ARHGAP19: variants seen among roughly 807,000 people sequenced by gnomAD.
The protein encoded by ARHGAP19 is Rho GTPase activating protein 19, also known as rho GTPase-activating protein 19.
In ARHGAP19, 48 loss-of-function variants were observed where a neutral mutation model predicts 60.9. The ratio of observed to expected loss-of-function variants is 0.79; its 90% confidence interval spans 0.62 to 1.00. ARHGAP19 has a LOEUF of 1.00. Ranked by LOEUF, ARHGAP19 falls within the 50% of genes least tolerant of loss-of-function variation. The pLI is 0.00. For synonymous variants in ARHGAP19, 209 were observed against 215.5 expected, an observed-to-expected ratio of 0.97 and a Z score of 0.27; for missense variants, 562 against 597.2, an observed-to-expected ratio of 0.94 and a Z score of 0.61.
At chr10:97,248,132 A>G (rs532459889) in intron 6 of ARHGAP19, among the ~76,000 whole-genome samples, 44 of 152,268 alleles carry the variant, frequency 2.9e-4, no homozygotes, top group African/African-American at 9.9e-4. Flanking sequence ...TGCCCGGCTA[A>G]TTTTTGTACT....
intron 8 of ARHGAP19, among the ~76,000 whole-genome samples, chr10:97,241,613 T>C (rs1176721171): frequency 6.6e-6 from 1 of 151,096 alleles, no homozygotes; most frequent in African/African-American, 2.4e-5. Context: ...TTCAGCAGGC[T>C]GAGGCAGGAG....
chr10:97,287,591 A>C (rs1179821116), intron 1 of ARHGAP19, among the ~76,000 whole-genome samples: 4 of 152,052 alleles, frequency 2.6e-5, no homozygotes, highest in Non-Finnish European at 5.9e-5. Flanking sequence ...TAAATTTTAA[A>C]AATTAGCCGA....
chr10:97,242,290 G>A (rs1193962330), intron 8 of ARHGAP19, among the ~76,000 whole-genome samples: 1 of 107,914 alleles, frequency 9.3e-6, no homozygotes, highest in Non-Finnish European at 2.0e-5. Flanking sequence ...AGTGCAAAAC[G>A]TTTTTTTCTT....
chr10:97,245,092 G>A (rs995419043), intron 7 of ARHGAP19, among the ~76,000 whole-genome samples: 3 of 151,790 alleles, frequency 2.0e-5, no homozygotes, highest in South Asian at 4.2e-4. Flanking sequence ...TGCAACCTCC[G>A]CCTCCTGAGC....
chr10:97,259,143 GTAGTTA>G (rs1345845337), intron 5 of ARHGAP19, among the ~76,000 whole-genome samples: 3 of 152,196 alleles, frequency 2.0e-5, no homozygotes, highest in Non-Finnish European at 2.9e-5. Flanking sequence ...AGTTTATTCA[GTAGTTA>G]TAATTTCCCA....
At chr10:97,231,733 C>T (rs1245845818) in intron 9 of ARHGAP19, among the ~76,000 whole-genome samples, 1 of 152,138 alleles carries the variant, frequency 6.6e-6, no homozygotes, top group African/African-American at 2.4e-5. Flanking sequence ...TTGCTTCTGC[C>T]TTTTGGCTTT....
intron 1 of ARHGAP19, among the ~76,000 whole-genome samples, chr10:97,286,043 C>G (rs530726682): frequency 2.6e-5 from 4 of 152,292 alleles, no homozygotes; most frequent in Admixed American, 2.6e-4. Flanking sequence ...CAAATATGAT[C>G]AAACTCTCTA....
intron 6 of ARHGAP19, among the ~76,000 whole-genome samples, chr10:97,249,675 C>T (rs370205774): frequency 1.5e-3 from 221 of 151,786 alleles, no homozygotes; most frequent in African/African-American, 5.2e-3. Flanking sequence ...CTTTGATTGG[C>T]CTATATTGAA....
rs61751502 is a variant in ARHGAP19, at chr10:97,259,530, G to A, written c.712C>T (p.Pro238Ser). 8.4e-4 allele frequency: 1,354 copies of A among 1,614,214 alleles called. 21 individuals are homozygous for A. The East Asian group carries it at 0.023, about 28-fold the overall frequency. The change falls in exon 5 of 12, where the codon CCT becomes TCT. Residue 238 changes from proline (P) to serine (S), a missense_variant. Transcript: ENST00000358531. ...LQLLFLILPP[P>S]NRNLLKLLLD... is the part of the protein sequence containing the mutation. ...AATAACTTCAGCAAATTACGATTAGGAGGAGGGAGAATGAGGAAGAGCAAC... is the reference window on the plus strand; with the variant it reads ...AATAACTTCAGCAAATTACGATTAGAAGGAGGGAGAATGAGGAAGAGCAAC...
intron 9 of ARHGAP19, 43 bp from the exon 10 acceptor site, chr10:97,229,917 G>T: frequency 7.3e-7 from 1 of 1,373,426 alleles, no homozygotes; most frequent in Non-Finnish European, 1.0e-6. Flanking sequence ...AACACCTACT[G>T]CATCTACAGT....
rs61654186 is a variant in ARHGAP19 at position 97,286,936 on chromosome 10, GTTT to G, written c.56+5633_56+5635del. Among the ~76,000 whole-genome samples the G allele has an allele frequency of 4.5e-4, 68 of 151,914 alleles. 3 individuals carry two copies. The highest frequency in any genetic ancestry group is 1.6e-3 in the African/African-American group (66 of 41,438). Reference sequence around the variant, plus strand: ...TATACTATTATTGATAAAGTGGATAGTTTTTTTTGTTTTTGTTGTTGTTGTTGT... The same window carrying G: ...TATACTATTATTGATAAAGTGGATAGTTTTTGTTTTTGTTGTTGTTGTTGT... On this transcript the variant is annotated intron_variant, in intron 1 of 11. Transcript: ENST00000358531.
intron 7 of ARHGAP19, among the ~76,000 whole-genome samples, chr10:97,244,999 G>A (rs1243450380): frequency 2.6e-5 from 4 of 151,504 alleles, no homozygotes; most frequent in Admixed American, 1.3e-4. Context: ...AAGGTCAAGT[G>A]CCTAACTTCT....
intron 6 of ARHGAP19, among the ~76,000 whole-genome samples, chr10:97,248,899 C>T (rs188735353): frequency 6.6e-6 from 1 of 152,198 alleles, no homozygotes; most frequent in Non-Finnish European, 1.5e-5. Flanking sequence ...CTCAGTGCAA[C>T]CTCCACCTCC....
intron 6 of ARHGAP19, among the ~76,000 whole-genome samples, chr10:97,256,101 G>C (rs1424318580): frequency 6.6e-6 from 1 of 152,128 alleles, no homozygotes. Flanking sequence ...AGAGGGTGGA[G>C]TCAGTTACCC....
intron 6 of ARHGAP19, among the ~76,000 whole-genome samples, chr10:97,249,195 C>G (rs1842606287): frequency 6.6e-6 from 1 of 152,074 alleles, no homozygotes; most frequent in Non-Finnish European, 1.5e-5. Flanking sequence ...ATTAGAAAAT[C>G]TTTATTTTTA....
Position 97,244,064 on chromosome 10 carries a change from C to T in ARHGAP19, c.1089G>A (p.Glu363=). The change falls in exon 8 of 12, where the codon GAG becomes GAA. Residue 363 remains glutamate (E), a synonymous_variant. Coordinates refer to ENST00000358531, the MANE Select transcript of ARHGAP19 (RefSeq NM_032900.6). The part of the protein sequence containing the change: ...RNRVDSCPHQ[E]ETQHHTEEAL... The stretch of plus-strand genomic sequence containing the variant: ...CCTCTTCCGTATGGTGCTGGGTCTC[C>T]TCCTGGTGAGGGCAGGAATCTACCC... The T allele has an allele frequency of 6.2e-7, 1 of 1,614,056 alleles. No homozygotes were observed. Among genetic ancestry groups the T allele is most frequent in the Non-Finnish European group, 8.5e-7 (1 of 1,180,004 alleles).
chr10:97,246,860 C>T (rs1842571070), intron 6 of ARHGAP19, among the ~76,000 whole-genome samples: 1 of 151,768 alleles, frequency 6.6e-6, no homozygotes, highest in African/African-American at 2.4e-5. Context: ...AAAAAATGGC[C>T]AGCACGGTGG....
In ARHGAP19 at chr10:97,265,906, G is replaced by A. The variant is rs1842892147; in HGVS notation, c.276C>T (p.Gly92=). 6.2e-7 allele frequency: 1 copy of A among 1,613,948 alleles called. No homozygotes were observed. The highest frequency in any genetic ancestry group is 8.5e-7 in the Non-Finnish European group (1 of 1,180,026). Residue 92 remains glycine, a synonymous_variant, in exon 2 of 12, where the codon GGC becomes GGT. Coordinates refer to ENST00000358531, the MANE Select transcript of ARHGAP19 (RefSeq NM_032900.6). ...EVDLKLPGGA[G]PASGFFRSLM... ...GAGACCGGAAGAATCCTGATGCTGG[G>A]CCAGCCCCGCCAGGCAACTTAAGGT... is the stretch of plus-strand genomic sequence containing the variant.
intron 1 of ARHGAP19, among the ~76,000 whole-genome samples, chr10:97,270,007 C>T (rs1455845463): frequency 6.6e-6 from 1 of 152,106 alleles, no homozygotes; most frequent in Non-Finnish European, 1.5e-5. Flanking sequence ...CCTACTTGGA[C>T]ATCATCCCCA....
Sources: gnomAD v4.1 joint callset for allele counts (sites outside exome capture counted in the v4.1 genomes callset) on GRCh38, gnomAD v4.1.1 for gene constraint, MANE v1.5 for transcripts, NCBI Gene and HGNC (gene_info 2026-07-23, HGNC 2026-07-21) for gene names.